The following CREB1 variants were observed in gnomAD, a reference collection of about 807,000 sequenced individuals.
CREB1 encodes the protein cAMP responsive element binding protein 1, also known as cyclic AMP-responsive element-binding protein 1.
Under a neutral mutation model 42.0 loss-of-function variants are expected in CREB1, and 2 were observed. That is an observed-to-expected ratio of 0.05 (90% CI 0.02 to 0.15). CREB1 has a LOEUF of 0.15. Among genes scored for constraint, CREB1 ranks in the 10% least tolerant of loss-of-function variants. The pLI is 1.00. For synonymous variants in CREB1, 123 were observed against 139.9 expected (o/e 0.88, Z 0.85); for missense variants, 199 against 388.9 (o/e 0.51, Z 4.11).
chr2:207,563,763 G>A (rs1458314257), intron 3 of CREB1, among the ~76,000 whole-genome samples: 1 of 152,126 alleles, frequency 6.6e-6, no homozygotes, highest in Non-Finnish European at 1.5e-5. Flanking sequence ...GGCCAACATG[G>A]CAAAACGCCA....
chr2:207,595,002 T>C (rs2106636773), intron 7 of CREB1, among the ~76,000 whole-genome samples: 1 of 150,054 alleles, frequency 6.7e-6, no homozygotes, highest in African/African-American at 2.5e-5. Flanking sequence ...TTTTTTTTTT[T>C]TTTTTTTTTT....
At chr2:207,564,226 G>C (rs1044807941) in intron 3 of CREB1, among the ~76,000 whole-genome samples, 1 of 152,070 alleles carries the variant, frequency 6.6e-6, no homozygotes, top group Admixed American at 6.6e-5. Flanking sequence ...GATCCAATGA[G>C]TAAAACACTG....
intron 1 of CREB1, among the ~76,000 whole-genome samples, chr2:207,535,255 G>A (rs1282653222): frequency 2.6e-5 from 4 of 152,168 alleles, no homozygotes; most frequent in Non-Finnish European, 5.9e-5. Flanking sequence ...TGTACATGAG[G>A]AGGCAAGCAA....
chr2:207,548,799 T>A (rs2081392843), intron 1 of CREB1, among the ~76,000 whole-genome samples: 1 of 152,138 alleles, frequency 6.6e-6, no homozygotes, highest in Non-Finnish European at 1.5e-5. Context: ...TGCTATTTAT[T>A]GCCCTGTTTT....
rs746095441 is a variant in CREB1 at position 207,560,268 on chromosome 2, G to A, written c.157G>A (p.Val53Ile). Residue 53 changes from valine (V) to isoleucine (I), a missense_variant, in exon 3 of 8, where the codon GTA (valine) becomes ATA (isoleucine). Val to Ile is a conservative substitution (Grantham distance 29, BLOSUM62 3). Around this residue, in one of 4 missense-constraint regions of CREB1, gnomAD observed 66 missense variants for 150.8 expected, o/e 0.44. Transcript: ENST00000353267. ...TCATGCAACATCATCTGCTCCCACC[G>A]TAACTCTAGTACAGCTGCCCAATGG... Reference protein sequence around the residue: ...AAHATSSAPTVTLVQLPNGQT... With the variant: ...AAHATSSAPTITLVQLPNGQT... 13 of 1,612,998 alleles carry A rather than the reference G, an allele frequency of 8.1e-6. No homozygotes were observed. Among genetic ancestry groups the A allele is most frequent in the South Asian group, 3.3e-5 (3 of 90,988 alleles).
At chr2:207,577,107 A>G in intron 6 of CREB1, 1 of 978,224 alleles carries the variant, frequency 1.0e-6, no homozygotes. Flanking sequence ...ATGTCGTGGC[A>G]AGAGTCTACT....
Position 207,529,988 on chromosome 2 carries a change from G to A in CREB1, c.-155G>A, listed in dbSNP as rs1278810256. The A allele has an allele frequency of 1.3e-5, 2 of 155,870 alleles. No individual in the cohort carries two copies. Among genetic ancestry groups the A allele is most frequent in the African/African-American group, 2.4e-5 (1 of 41,514 alleles). 9.7% of individuals were successfully genotyped at this position (155,870 alleles called of 1,614,324 possible). A position where few individuals can be genotyped will look rare whatever the true frequency, so the allele number is the denominator to read the frequency against. ...GTCGGCGGCGGCTGCTGCTGCCTGTGGCCCGGGCGGCTGGGAGAAGCGGAG... is the reference window on the plus strand; with the variant it reads ...GTCGGCGGCGGCTGCTGCTGCCTGTAGCCCGGGCGGCTGGGAGAAGCGGAG... On this transcript the variant is annotated 5_prime_UTR_variant, in exon 1 of 8. Coordinates refer to ENST00000353267, the MANE Select transcript of CREB1 (RefSeq NM_004379.5).
chr2:207,560,013 G>T (rs2081892032), intron 2 of CREB1, among the ~76,000 whole-genome samples: 1 of 152,168 alleles, frequency 6.6e-6, no homozygotes. Flanking sequence ...TGTCACTTGG[G>T]AAGAGCTGAA....
At chr2:207,579,247 T>C (rs1333418353) in intron 7 of CREB1, among the ~76,000 whole-genome samples, 1 of 152,194 alleles carries the variant, frequency 6.6e-6, no homozygotes, top group African/African-American at 2.4e-5. Flanking sequence ...TAAAAATGTT[T>C]ATAAGGAAAC....
intron 7 of CREB1, among the ~76,000 whole-genome samples, chr2:207,585,646 A>G (rs1453880425): frequency 6.6e-6 from 1 of 152,254 alleles, no homozygotes; most frequent in Non-Finnish European, 1.5e-5. Context: ...AAACTCAGCA[A>G]GAAACAACAG....
rs1360963063 is a variant in CREB1 at position 207,601,258 on chromosome 2, C to T, written c.*4200C>T. 2.2e-5 allele frequency: 4 copies of T among 185,280 alleles called. No individual in the cohort carries two copies. Among genetic ancestry groups the T allele is most frequent in the Non-Finnish European group, 3.4e-5 (3 of 87,580 alleles). 11.5% of individuals were successfully genotyped at this position (185,280 alleles called of 1,614,324 possible). Reference sequence around the variant, plus strand: ...TTGTAAATGTTTGGTGTAACTTGCACTTTTTTAAATGACCCAGTTTGGGTA... The same window carrying T: ...TTGTAAATGTTTGGTGTAACTTGCATTTTTTTAAATGACCCAGTTTGGGTA... On this transcript the variant is annotated 3_prime_UTR_variant, in exon 8 of 8. Coordinates refer to ENST00000353267, the MANE Select transcript of CREB1 (RefSeq NM_004379.5).
intron 2 of CREB1, chr2:207,559,227 C>A: frequency 2.3e-6 from 2 of 856,018 alleles, no homozygotes; most frequent in Non-Finnish European, 2.8e-6. Flanking sequence ...CTACTCCACT[C>A]TGTGCTTGAA....
At chr2:207,543,915 T>TTTTG (rs533236073) in intron 1 of CREB1, among the ~76,000 whole-genome samples, 1 of 151,730 alleles carries the variant, frequency 6.6e-6, no homozygotes. Context: ...AAATTTGTTT[T>TTTTG]TTTGTTTGTT....
intron 7 of CREB1, among the ~76,000 whole-genome samples, chr2:207,586,651 G>C (rs1410412380): frequency 6.6e-6 from 1 of 152,144 alleles, no homozygotes; most frequent in Non-Finnish European, 1.5e-5. Context: ...TTTACAAACT[G>C]TTCATCTGAC....
intron 7 of CREB1, among the ~76,000 whole-genome samples, chr2:207,579,867 T>G (rs2082781859): frequency 1.3e-5 from 2 of 152,200 alleles, no homozygotes; most frequent in South Asian, 4.1e-4. Flanking sequence ...TCATTTAATT[T>G]TAACTCTATG....
chr2:207,581,101 A>G (rs1050553157), intron 7 of CREB1: 4 of 211,892 alleles, frequency 1.9e-5, no homozygotes, highest in Non-Finnish European at 3.8e-5. Flanking sequence ...CAGATTCCCT[A>G]AAGGCAGAAG....
At chr2:207,592,719 G>A (rs1445464480) in intron 7 of CREB1, among the ~76,000 whole-genome samples, 6 of 151,872 alleles carry the variant, frequency 4.0e-5, no homozygotes, top group Non-Finnish European at 8.8e-5. Flanking sequence ...AGGAGATTGA[G>A]AACATCCTGG....
chr2:207,545,380 G>C (rs1017203890), intron 1 of CREB1, among the ~76,000 whole-genome samples: 1 of 152,036 alleles, frequency 6.6e-6, no homozygotes, highest in East Asian at 1.9e-4. Flanking sequence ...GCTAATTTTT[G>C]TATTTTTAGT....
chr2:207,558,798 T>C (rs2081839534), intron 2 of CREB1, among the ~76,000 whole-genome samples: 1 of 152,048 alleles, frequency 6.6e-6, no homozygotes, highest in Non-Finnish European at 1.5e-5. Flanking sequence ...CCTGCCACCA[T>C]ACCTGGCTAA....
Sources: gnomAD v4.1 joint callset for allele counts (sites outside exome capture counted in the v4.1 genomes callset) on GRCh38, gnomAD v4.1.1 for gene constraint, gnomAD v4.1.1 regional missense constraint, MANE v1.5 for transcripts, NCBI Gene and HGNC (gene_info 2026-07-23, HGNC 2026-07-21) for gene names.